The following LRRC4C variants were observed in gnomAD, a reference collection of about 807,000 sequenced individuals.
LRRC4C encodes leucine-rich repeat-containing protein 4C.
In LRRC4C, 5 loss-of-function variants were observed where a neutral mutation model predicts 33.6. That is an observed-to-expected ratio of 0.15 (90% CI 0.08 to 0.31). LRRC4C has a LOEUF of 0.31. Among genes scored for constraint, LRRC4C ranks in the 10% least tolerant of loss-of-function variants. The pLI, the probability that LRRC4C is intolerant of heterozygous loss-of-function variation, is 1.00. For synonymous variants in LRRC4C, 329 were observed against 302.0 expected (o/e 1.09, Z -0.93); for missense variants, 560 against 796.7 (o/e 0.70, Z 3.58).
At chr11:40,973,820 T>A (rs575310141) in intron 1 of LRRC4C, among the ~76,000 whole-genome samples, 4 of 152,186 alleles carry the variant, frequency 2.6e-5, no homozygotes, top group African/African-American at 7.2e-5. Context: ...TAAAGCCTTT[T>A]AATTTTATTC....
chr11:40,745,060 A>G (rs1031429637), intron 2 of LRRC4C, among the ~76,000 whole-genome samples: 2 of 152,210 alleles, frequency 1.3e-5, no homozygotes, highest in Non-Finnish European at 2.9e-5. Flanking sequence ...ATGGTAAAGT[A>G]TTACTGTAAG....
chr11:41,288,979 T>C (rs1351659870), intron 1 of LRRC4C, among the ~76,000 whole-genome samples: 1 of 152,098 alleles, frequency 6.6e-6, no homozygotes, highest in Non-Finnish European at 1.5e-5. Flanking sequence ...AAATCTCTTT[T>C]GAGTAACTCA....
At chr11:41,079,814 T>A (rs998137271) in intron 1 of LRRC4C, among the ~76,000 whole-genome samples, 1 of 152,144 alleles carries the variant, frequency 6.6e-6, no homozygotes, top group African/African-American at 2.4e-5. Flanking sequence ...CTATCATTAG[T>A]GTTAGTGTGC....
intron 1 of LRRC4C, among the ~76,000 whole-genome samples, chr11:41,206,180 T>C (rs1037020894): frequency 3.3e-5 from 5 of 152,140 alleles, no homozygotes; most frequent in African/African-American, 1.2e-4. Context: ...GAACAAAAGA[T>C]TTATTTTTTT....
At chr11:40,548,147 C>A (rs1956998793) in intron 3 of LRRC4C, among the ~76,000 whole-genome samples, 1 of 151,966 alleles carries the variant, frequency 6.6e-6, no homozygotes, top group Non-Finnish European at 1.5e-5. Context: ...GAAAAAAAAT[C>A]ACTGAAGAAA....
At chr11:41,209,985 A>C (rs1443754690) in intron 1 of LRRC4C, among the ~76,000 whole-genome samples, 1 of 152,136 alleles carries the variant, frequency 6.6e-6, no homozygotes, top group African/African-American at 2.4e-5. Context: ...CTCTCTCTGC[A>C]TGCACATAGA....
chr11:41,120,542 T>C (rs1942370247), intron 1 of LRRC4C, among the ~76,000 whole-genome samples: 1 of 152,164 alleles, frequency 6.6e-6, no homozygotes, highest in Admixed American at 6.5e-5. Flanking sequence ...GCTTATTTCT[T>C]GTGCTCCTCA....
At chr11:41,168,206 A>G (rs1238777273) in intron 1 of LRRC4C, among the ~76,000 whole-genome samples, 1 of 152,198 alleles carries the variant, frequency 6.6e-6, no homozygotes, top group Non-Finnish European at 1.5e-5. Context: ...CTGAATGACC[A>G]CCAGGCCAGC....
At chr11:40,930,251 A>G (rs1451320964) in intron 2 of LRRC4C, among the ~76,000 whole-genome samples, 1 of 152,160 alleles carries the variant, frequency 6.6e-6, no homozygotes. Context: ...CCAGTCTGAG[A>G]TGAACACACA....
chr11:40,952,884 ACACACACACACACTCTCT>A (rs1250669986), intron 1 of LRRC4C, among the ~76,000 whole-genome samples: 139 of 96,102 alleles, frequency 1.4e-3, no homozygotes, highest in African/African-American at 1.1e-3. Flanking sequence ...ACACACACAC[ACACACACACACACTCTCT>A]CTCTCTCTCT....
chr11:40,837,789 G>A (rs1005229510), intron 2 of LRRC4C, among the ~76,000 whole-genome samples: 1 of 151,724 alleles, frequency 6.6e-6, no homozygotes, highest in Admixed American at 6.6e-5. Context: ...AATCCAGGCT[G>A]CAGTGAGCCA....
chr11:40,448,769 T>G (rs893262980), intron 3 of LRRC4C, among the ~76,000 whole-genome samples: 1 of 152,218 alleles, frequency 6.6e-6, no homozygotes, highest in African/African-American at 2.4e-5. Flanking sequence ...TACCCAGTAA[T>G]GGGATTGCTG....
chr11:40,665,188 T>A (rs1199389670), intron 2 of LRRC4C, among the ~76,000 whole-genome samples: 1 of 150,890 alleles, frequency 6.6e-6, no homozygotes, highest in East Asian at 1.9e-4. Flanking sequence ...TGAATGCAGA[T>A]TCCTGATGCT....
At chr11:40,374,202 GAAAGA>G (rs1424226132) in intron 3 of LRRC4C, among the ~76,000 whole-genome samples, 2 of 152,176 alleles carry the variant, frequency 1.3e-5, no homozygotes, top group African/African-American at 4.8e-5. Context: ...TGTAGTCTGG[GAAAGA>G]AAAGTTGCTA....
At chr11:41,283,462 G>A (rs1343036461) in intron 1 of LRRC4C, among the ~76,000 whole-genome samples, 1 of 152,024 alleles carries the variant, frequency 6.6e-6, no homozygotes, top group African/African-American at 2.4e-5. Flanking sequence ...TTTTTGAAAG[G>A]GCCCCTGATG....
intron 2 of LRRC4C, among the ~76,000 whole-genome samples, chr11:40,731,380 T>C (rs368419845): frequency 6.6e-6 from 1 of 152,174 alleles, no homozygotes; most frequent in African/African-American, 2.4e-5. Flanking sequence ...CCCTTGCTCC[T>C]GCTCTGGCCA....
chr11:40,279,290 T>C (rs529666057), intron 4 of LRRC4C, among the ~76,000 whole-genome samples: 1 of 152,254 alleles, frequency 6.6e-6, no homozygotes, highest in East Asian at 1.9e-4. Context: ...TATGGATGGA[T>C]AAAAATCATC....
At chr11:40,924,982 T>C (rs1396773566) in intron 2 of LRRC4C, among the ~76,000 whole-genome samples, 4 of 152,160 alleles carry the variant, frequency 2.6e-5, no homozygotes, top group Non-Finnish European at 4.4e-5. Flanking sequence ...ATTTGACTTT[T>C]TATTTGTATT....
At chr11:40,737,744 T>C (rs1947956015) in intron 2 of LRRC4C, among the ~76,000 whole-genome samples, 1 of 152,146 alleles carries the variant, frequency 6.6e-6, no homozygotes, top group South Asian at 2.1e-4. Flanking sequence ...TGGAAAAACA[T>C]TCCATGTTCA....
Sources: allele counts gnomAD v4.1 joint callset (sites outside exome capture counted in the v4.1 genomes callset), GRCh38; gene constraint gnomAD v4.1.1; transcripts MANE v1.5; gene names NCBI Gene and HGNC (gene_info 2026-07-23, HGNC 2026-07-21).